Variants in GLI3 observed in about 807,000 individuals in gnomAD.
GLI3 encodes GLI family zinc finger 3, also known as transcription activator GLI3.
A neutral mutation model predicts 100.8 loss-of-function variants in GLI3; 20 were observed. That is an observed-to-expected ratio of 0.20 (90% CI 0.14 to 0.29). The LOEUF is 0.29. Among genes scored for constraint, GLI3 ranks in the 10% least tolerant of loss-of-function variants. The pLI is 1.00. For missense variants in GLI3, 2,040 were observed against 2,128.5 expected (o/e 0.96, Z 0.82); for synonymous variants, 938 against 860.5 (o/e 1.09, Z -1.58).
intron 10 of GLI3, among the ~76,000 whole-genome samples, chr7:41,993,633 A>C (rs1013479934): frequency 1.3e-5 from 2 of 152,192 alleles, no homozygotes; most frequent in African/African-American, 2.4e-5. Context: ...AAGTGCCTGG[A>C]ACAATGCCCA....
intron 1 of GLI3, among the ~76,000 whole-genome samples, chr7:42,249,284 G>A (rs1352195635): frequency 1.3e-5 from 2 of 152,142 alleles, no homozygotes; most frequent in Non-Finnish European, 2.9e-5. Context: ...AATGGGAGGG[G>A]CTGTGTTCCT....
In GLI3 at chr7:41,967,779, T is replaced by C. The variant is rs749691334; in HGVS notation, c.2248A>G (p.Met750Val). 1.2e-6 allele frequency: 2 copies of C among 1,614,172 alleles called. No individual in the cohort carries two copies. Among genetic ancestry groups the C allele is most frequent in the South Asian group, 1.1e-5 (1 of 91,078 alleles). ...GTTGCAGTGGAAATGGTTGAGTCCA[T>C]GATTGGGGTTTCATCGATGGCACTG... is the stretch of plus-strand genomic sequence containing the variant. ...DLSAIDETPI[M>V]DSTISTATTA... Residue 750 changes from methionine (M) to valine (V), a missense_variant, in exon 14 of 15, where the codon ATG becomes GTG. Physicochemically the swap from Met to Val is conservative, Grantham distance 21. Transcript: ENST00000395925.
intron 1 of GLI3, among the ~76,000 whole-genome samples, chr7:42,236,285 T>C (rs1788791194): frequency 2.0e-5 from 3 of 152,166 alleles, no homozygotes. Context: ...GCACCTTAAA[T>C]GATTATTGCA....
At chr7:42,062,422 T>C (rs1240827389) in intron 4 of GLI3, among the ~76,000 whole-genome samples, 3 of 152,192 alleles carry the variant, frequency 2.0e-5, no homozygotes, top group African/African-American at 7.2e-5. Context: ...TCTGGGCCAC[T>C]GTGGTCTTCA....
upstream of GLI3, among the ~76,000 whole-genome samples, chr7:42,238,350 C>A (rs915976304): frequency 9.2e-5 from 14 of 152,094 alleles, no homozygotes; most frequent in Non-Finnish European, 1.5e-4. Flanking sequence ...CTGATTACCA[C>A]CGCCCCCCAT....
Position 41,964,435 on chromosome 7 carries a change from T to A in GLI3, c.4638A>T (p.Pro1546=), listed in dbSNP as rs1233172983. The A allele has an allele frequency of 9.9e-6, 16 of 1,613,956 alleles. No homozygotes were observed. Among genetic ancestry groups the A allele is most frequent in the Non-Finnish European group, 1.7e-6 (2 of 1,179,970 alleles). The change falls in exon 15 of 15, where the codon CCA becomes CCT. Residue 1546 remains proline, a synonymous_variant. Transcript: ENST00000395925. ...SRLTTPRASL[P]FPALSMSTTN... ...TGGTGCTCATGGACAGCGCTGGGAATGGGAGGGACGCCCGAGGCGTGGTGA... is the reference window on the plus strand; with the variant it reads ...TGGTGCTCATGGACAGCGCTGGGAAAGGGAGGGACGCCCGAGGCGTGGTGA...
chr7:42,092,422 A>T (rs1016651300), intron 3 of GLI3, among the ~76,000 whole-genome samples: 5 of 152,210 alleles, frequency 3.3e-5, no homozygotes, highest in Admixed American at 6.5e-5. Flanking sequence ...CCAGGGCAGG[A>T]GCGCAAAGCC....
intron 2 of GLI3, chr7:42,151,311 AC>A (rs2128788583): frequency 6.6e-6 from 1 of 152,318 alleles, no homozygotes; most frequent in African/African-American, 2.4e-5. Flanking sequence ...ACAAACAGCT[AC>A]GAGGCTTGAA....
intron 4 of GLI3, among the ~76,000 whole-genome samples, chr7:42,051,860 A>G (rs572314352): frequency 6.6e-6 from 1 of 152,186 alleles, no homozygotes; most frequent in South Asian, 2.1e-4. Flanking sequence ...ATCGTCACCC[A>G]AAGTCCATAG....
chr7:42,225,739 A>G (rs1294991972), intron 1 of GLI3, among the ~76,000 whole-genome samples: 1 of 152,186 alleles, frequency 6.6e-6, no homozygotes, highest in East Asian at 1.9e-4. Flanking sequence ...CTGATGAACT[A>G]ATGAATGAAC....
At chr7:42,179,631 T>C (rs1418865402) in intron 2 of GLI3, among the ~76,000 whole-genome samples, 2 of 152,162 alleles carry the variant, frequency 1.3e-5, no homozygotes, top group Non-Finnish European at 2.9e-5. Context: ...CAGATTCTGG[T>C]GCTTTATGAA....
At chr7:42,060,744 G>T (rs774325022) in intron 4 of GLI3, among the ~76,000 whole-genome samples, 1 of 152,098 alleles carries the variant, frequency 6.6e-6, no homozygotes, top group Non-Finnish European at 1.5e-5. Context: ...AGTGTAGAAA[G>T]AATGGCTCCT....
chr7:42,214,215 G>A (rs1023657903), intron 2 of GLI3, among the ~76,000 whole-genome samples: 1 of 152,170 alleles, frequency 6.6e-6, no homozygotes, highest in Non-Finnish European at 1.5e-5. Context: ...GACTTTGAGA[G>A]GGAACAAAAG....
At chr7:42,129,350 A>G (rs846384) in intron 3 of GLI3, among the ~76,000 whole-genome samples, 35,232 of 152,218 alleles carry the variant, frequency 0.23, 4,376 homozygotes, top group Admixed American at 0.35. Flanking sequence ...AACTCTTAAC[A>G]CAGTCAAAGA....
In GLI3 at chr7:42,180,161, C is replaced by T. The variant is rs146944939; in HGVS notation, c.125-31693G>A. 4.5e-3 allele frequency among the ~76,000 whole-genome samples: 678 copies of T among 152,182 alleles called. 6 individuals are homozygous for T. Among genetic ancestry groups the T allele is most frequent in the African/African-American group, 0.014 (599 of 41,530 alleles). ...GACAGGCAGTGGTGGGGGCGGAGGACAACAGAGAAGGCCCAGCTATCATGC... is the reference window on the plus strand; with the variant it reads ...GACAGGCAGTGGTGGGGGCGGAGGATAACAGAGAAGGCCCAGCTATCATGC... On this transcript the variant is annotated intron_variant, in intron 2 of 14. Coordinates refer to ENST00000395925, the MANE Select transcript of GLI3 (RefSeq NM_000168.6).
intron 6 of GLI3, among the ~76,000 whole-genome samples, chr7:42,042,132 C>T (rs1213653914): frequency 6.6e-6 from 1 of 151,760 alleles, no homozygotes; most frequent in Non-Finnish European, 1.5e-5. Context: ...TCTGCCTTAG[C>T]CTCCCGAGTA....
chr7:42,229,915 C>T (rs182502894), intron 1 of GLI3, among the ~76,000 whole-genome samples: 80 of 152,242 alleles, frequency 5.3e-4, no homozygotes, highest in Non-Finnish European at 9.3e-4. Flanking sequence ...TATTCATGCA[C>T]CACAGAAAAC....
Position 41,965,338 on chromosome 7 carries a change from A to G in GLI3, c.3735T>C (p.His1245=). Reference sequence around the variant, plus strand: ...ACTGCGGGGCCTTACAGGGCTGTTCATGGAAGGCGTTTCCACTGGTGCCAC... The same window carrying G: ...ACTGCGGGGCCTTACAGGGCTGTTCGTGGAAGGCGTTTCCACTGGTGCCAC... The part of the protein sequence containing the change: ...PGSGTSGNAF[H]EQPCKAPQYG... Residue 1245 remains histidine, a synonymous_variant, in exon 15 of 15, where the codon CAT becomes CAC. Coordinates refer to ENST00000395925, the MANE Select transcript of GLI3 (RefSeq NM_000168.6). 6.2e-7 allele frequency: 1 copy of G among 1,613,796 alleles called. No homozygotes were observed. The highest frequency in any genetic ancestry group is 8.5e-7 in the Non-Finnish European group (1 of 1,179,870).
chr7:42,030,696 G>GTTTTT (rs201325272), intron 7 of GLI3, among the ~76,000 whole-genome samples: 3 of 133,470 alleles, frequency 2.2e-5, no homozygotes, highest in Non-Finnish European at 3.2e-5. Flanking sequence ...TTGTTGATTT[G>GTTTTT]TTTTTTTTTT....
Sources: gnomAD v4.1 joint callset for allele counts (sites outside exome capture counted in the v4.1 genomes callset) on GRCh38, gnomAD v4.1.1 for gene constraint, MANE v1.5 for transcripts, NCBI Gene and HGNC (gene_info 2026-07-23, HGNC 2026-07-21) for gene names.